The following PTPRT variants were observed in gnomAD, a reference collection of about 807,000 sequenced individuals.
PTPRT encodes the protein receptor-type tyrosine-protein phosphatase T.
In PTPRT, 56 loss-of-function variants were observed where a neutral mutation model predicts 176.8. That is an observed-to-expected ratio of 0.32 (90% CI 0.26 to 0.40). PTPRT has a LOEUF of 0.40. Among genes scored for constraint, PTPRT ranks in the 10% least tolerant of loss-of-function variants. PTPRT has a pLI of 1.00. For synonymous variants in PTPRT, 783 were observed against 739.0 expected (o/e 1.06, Z -0.96); for missense variants, 1,540 against 1,908.2 (o/e 0.81, Z 3.60).
intron 13 of PTPRT, among the ~76,000 whole-genome samples, chr20:42,266,426 C>T (rs565981344): frequency 1.2e-4 from 19 of 152,276 alleles, no homozygotes; most frequent in African/African-American, 4.1e-4. Flanking sequence ...TGAGGCCTGG[C>T]TGAACTGCAG....
intron 12 of PTPRT, among the ~76,000 whole-genome samples, chr20:42,313,783 G>A (rs1346724749): frequency 6.6e-6 from 1 of 152,148 alleles, no homozygotes; most frequent in African/African-American, 2.4e-5. Flanking sequence ...AGTGCTTCAT[G>A]CAGCGGGAAG....
At chr20:42,559,009 C>T (rs1296172472) in intron 7 of PTPRT, among the ~76,000 whole-genome samples, 1 of 152,158 alleles carries the variant, frequency 6.6e-6, no homozygotes, top group Admixed American at 6.5e-5. Flanking sequence ...TGGGTGAACT[C>T]CATGAGGACA....
intron 8 of PTPRT, among the ~76,000 whole-genome samples, chr20:42,453,205 A>C (rs1178204176): frequency 3.3e-5 from 5 of 152,200 alleles, no homozygotes; most frequent in Non-Finnish European, 2.9e-5. Context: ...AACATATTTC[A>C]TCACAATTTT....
chr20:42,681,448 G>C (rs1435982758), intron 6 of PTPRT, among the ~76,000 whole-genome samples: 1 of 152,190 alleles, frequency 6.6e-6, no homozygotes, highest in East Asian at 1.9e-4. Context: ...GGAAGCTCTT[G>C]CAGAGAGCAC....
chr20:42,041,779 A>C, the PTPRT span, among the ~76,000 whole-genome samples: 1 of 152,202 alleles, frequency 6.6e-6, no homozygotes, highest in Non-Finnish European at 1.5e-5. Context: ...CAAGACTTGC[A>C]TGTAGTAGTC....
chr20:42,813,813 A>T (rs1244536716), intron 2 of PTPRT, among the ~76,000 whole-genome samples: 1 of 152,092 alleles, frequency 6.6e-6, no homozygotes, highest in Non-Finnish European at 1.5e-5. Flanking sequence ...AATATCCCAT[A>T]CTCAGATTCA....
intron 7 of PTPRT, among the ~76,000 whole-genome samples, chr20:42,536,685 G>T (rs556283749): frequency 1.3e-5 from 2 of 152,312 alleles, no homozygotes; most frequent in South Asian, 4.1e-4. Context: ...CACATGAGAA[G>T]ATGTTCAACT....
chr20:42,387,412 T>A (rs901257635), intron 9 of PTPRT, among the ~76,000 whole-genome samples: 6 of 152,186 alleles, frequency 3.9e-5, no homozygotes, highest in Admixed American at 6.5e-5. Flanking sequence ...GGCTACAGGG[T>A]GTGAATTTTT....
At chr20:42,385,498 T>C (rs550762925) in intron 9 of PTPRT, among the ~76,000 whole-genome samples, 95 of 152,316 alleles carry the variant, frequency 6.2e-4, no homozygotes, top group African/African-American at 2.2e-3. Context: ...AAGTTTCAGT[T>C]ATATGAGGTA....
chr20:42,461,218 T>A (rs2071013137), intron 8 of PTPRT, among the ~76,000 whole-genome samples: 1 of 152,090 alleles, frequency 6.6e-6, no homozygotes, highest in South Asian at 2.1e-4. Flanking sequence ...TCCCAGCTAC[T>A]CAGGAGGCTG....
intron 1 of PTPRT, among the ~76,000 whole-genome samples, chr20:43,163,365 G>A (rs78211521): frequency 0.032 from 4,916 of 152,210 alleles, 289 homozygotes; most frequent in African/African-American, 0.11. Context: ...TGGGCCAGGC[G>A]CGGTGGCTCG....
At chr20:42,968,224 C>T (rs929786947) in intron 1 of PTPRT, among the ~76,000 whole-genome samples, 2 of 152,190 alleles carry the variant, frequency 1.3e-5, no homozygotes, top group African/African-American at 4.8e-5. Flanking sequence ...CCTCTGGCAT[C>T]CCATTGTCGA....
intron 2 of PTPRT, among the ~76,000 whole-genome samples, chr20:42,864,287 C>T (rs1159494123): frequency 1.3e-5 from 2 of 152,208 alleles, no homozygotes; most frequent in African/African-American, 4.8e-5. Flanking sequence ...CGATGATGAA[C>T]ATTACAGCCC....
chr20:42,786,020 G>A (rs1332932198), intron 3 of PTPRT, among the ~76,000 whole-genome samples: 1 of 152,110 alleles, frequency 6.6e-6, no homozygotes, highest in Admixed American at 6.5e-5. Context: ...CTGTTCTTGT[G>A]ATACTGAATG....
intron 6 of PTPRT, among the ~76,000 whole-genome samples, chr20:42,735,211 G>A (rs377538183): frequency 6.6e-6 from 1 of 152,174 alleles, no homozygotes; most frequent in East Asian, 1.9e-4. Flanking sequence ...AATGGCCCTG[G>A]GAAAGCTTAA....
At chr20:42,395,071 T>G (rs1386818247) in intron 9 of PTPRT, among the ~76,000 whole-genome samples, 1 of 152,180 alleles carries the variant, frequency 6.6e-6, no homozygotes, top group African/African-American at 2.4e-5. Context: ...TCGTTGTAAC[T>G]CCTGTCTGCT....
chr20:42,129,870 G>A (rs1277832325), intron 18 of PTPRT, among the ~76,000 whole-genome samples: 3 of 152,198 alleles, frequency 2.0e-5, no homozygotes, highest in African/African-American at 7.2e-5. Flanking sequence ...CTTATTCCCT[G>A]TTCCATCCCC....
chr20:42,522,706 C>T (rs986559681), intron 7 of PTPRT, among the ~76,000 whole-genome samples: 1 of 152,094 alleles, frequency 6.6e-6, no homozygotes, highest in African/African-American at 2.4e-5. Context: ...AATTATCTGC[C>T]CACCTTGGCC....
chr20:42,406,465 G>A (rs576987767), intron 9 of PTPRT, among the ~76,000 whole-genome samples: 2 of 152,044 alleles, frequency 1.3e-5, no homozygotes, highest in African/African-American at 4.8e-5. Flanking sequence ...TTCAACCGAG[G>A]AGAAGAAAAT....
Sources: gnomAD v4.1 joint callset for allele counts (sites outside exome capture counted in the v4.1 genomes callset) on GRCh38, gnomAD v4.1.1 for gene constraint, MANE v1.5 for transcripts, NCBI Gene and HGNC (gene_info 2026-07-23, HGNC 2026-07-21) for gene names.